Variants in EPHB2 observed in about 807,000 individuals in gnomAD.
EPHB2 encodes the protein EPH receptor B2, also known as ephrin type-B receptor 2.
EPHB2 carries 18 observed loss-of-function variants against 96.4 expected under a neutral mutation model. The observed-to-expected ratio is 0.19, with a 90% CI of 0.13 to 0.28. The LOEUF is 0.28. EPHB2 is among the 10% of genes least tolerant of loss of function. EPHB2 has a pLI of 1.00. For missense variants in EPHB2, 989 were observed against 1,355.4 expected (o/e 0.73, Z 4.25); for synonymous variants, 506 against 534.1 (o/e 0.95, Z 0.72).
chr1:22,761,622 A>C (rs1329232556), intron 1 of EPHB2, among the ~76,000 whole-genome samples: 1 of 152,136 alleles, frequency 6.6e-6, no homozygotes, highest in African/African-American at 2.4e-5. Context: ...TATAGCTGGG[A>C]GTGTTGAGTA....
At chr1:22,746,651 C>T (rs1384657983) in intron 1 of EPHB2, among the ~76,000 whole-genome samples, 1 of 152,240 alleles carries the variant, frequency 6.6e-6, no homozygotes, top group Non-Finnish European at 1.5e-5. Context: ...GACCGTGGAC[C>T]ATGGACCATG....
At chr1:22,872,248 A>G (rs1212625589) in intron 5 of EPHB2, among the ~76,000 whole-genome samples, 1 of 152,052 alleles carries the variant, frequency 6.6e-6, no homozygotes, top group Admixed American at 6.6e-5. Context: ...CAGAACCCTG[A>G]CATCTCAGAA....
intron 1 of EPHB2, among the ~76,000 whole-genome samples, chr1:22,729,119 G>C (rs1006864091): frequency 6.6e-6 from 1 of 152,204 alleles, no homozygotes; most frequent in African/African-American, 2.4e-5. Flanking sequence ...CAAGGTTCCT[G>C]AACTTCTGGG....
chr1:22,866,893 C>T (rs1315561624), intron 5 of EPHB2, among the ~76,000 whole-genome samples: 1 of 152,166 alleles, frequency 6.6e-6, no homozygotes, highest in African/African-American at 2.4e-5. Context: ...GAGATCATGC[C>T]ATTGCACTCC....
intron 3 of EPHB2, among the ~76,000 whole-genome samples, chr1:22,857,531 A>T (rs1395566045): frequency 6.6e-6 from 1 of 151,916 alleles, no homozygotes; most frequent in Admixed American, 6.6e-5. Flanking sequence ...TTACAGTAGG[A>T]TGGTCAATCC....
At chr1:22,751,426 C>T (rs528215408) in intron 1 of EPHB2, among the ~76,000 whole-genome samples, 6 of 152,312 alleles carry the variant, frequency 3.9e-5, no homozygotes, top group South Asian at 4.2e-4. Context: ...ATCTGAGCCC[C>T]AAGGCCCAAG....
At chr1:22,820,506 C>CA (rs1645138090) in intron 3 of EPHB2, among the ~76,000 whole-genome samples, 1 of 151,662 alleles carries the variant, frequency 6.6e-6, no homozygotes, top group Non-Finnish European at 1.5e-5. Context: ...ACACAAAATA[C>CA]AAAAAAATTA....
chr1:22,907,430 T>C (rs1314785002), intron 11 of EPHB2, among the ~76,000 whole-genome samples: 1 of 150,036 alleles, frequency 6.7e-6, no homozygotes, highest in African/African-American at 2.5e-5. Flanking sequence ...GTGGGAGGAG[T>C]TCAGAGCACA....
rs890458165 is a variant in EPHB2 at position 22,782,817 on chromosome 1, G to T, written c.126+1332G>T. On this transcript the variant is annotated intron_variant, in intron 2 of 15. Transcript: ENST00000374630. ...ATGCAATGTAGGGAGCTTCAGAGTC[G>T]CCATTGAAGAAGAGGCTGAGCCAGT... Among the ~76,000 whole-genome samples, 3 of 152,142 alleles carry T rather than the reference G, an allele frequency of 2.0e-5. 1 individual carries two copies. Among genetic ancestry groups the T allele is most frequent in the South Asian group, 4.2e-4 (2 of 4,804 alleles).
At chr1:22,884,890 G>A (rs965738510) in intron 6 of EPHB2, among the ~76,000 whole-genome samples, 8 of 152,138 alleles carry the variant, frequency 5.3e-5, no homozygotes, top group Non-Finnish European at 1.0e-4. Flanking sequence ...TTTTTTAAGT[G>A]TTATGGAGTA....
At chr1:22,752,010 C>T (rs530030337) in intron 1 of EPHB2, among the ~76,000 whole-genome samples, 35 of 152,336 alleles carry the variant, frequency 2.3e-4, no homozygotes, top group African/African-American at 6.5e-4. Context: ...TGGATTTGGG[C>T]GTTCACTAGT....
chr1:22,805,716 A>G (rs1557685275), intron 3 of EPHB2, among the ~76,000 whole-genome samples: 1 of 152,170 alleles, frequency 6.6e-6, no homozygotes, highest in Non-Finnish European at 1.5e-5. Flanking sequence ...AGGCAGGTGC[A>G]TGTACATGTG....
At chr1:22,845,512 G>C (rs572252048) in intron 3 of EPHB2, among the ~76,000 whole-genome samples, 1 of 152,050 alleles carries the variant, frequency 6.6e-6, no homozygotes, top group African/African-American at 2.4e-5. Context: ...GTTGCCTCCC[G>C]ACTCCTCATC....
chr1:22,819,206 T>A (rs1242340577), intron 3 of EPHB2, among the ~76,000 whole-genome samples: 2 of 5,340 alleles, frequency 3.7e-4, no homozygotes, highest in Non-Finnish European at 6.8e-4. Context: ...CCAGCAGATG[T>A]CTCTCTCTCT....
Position 22,906,095 on chromosome 1 carries a change from A to C in EPHB2, c.1874A>C (p.Gln625Pro). ...EIDISCVKIE[Q>P]VIGAGEFGEV... Reference sequence around the variant, plus strand: ...GACATCTCCTGTGTCAAAATTGAGCAGGTGATCGGAGCAGGTAGGTGGCTG... The same window carrying C: ...GACATCTCCTGTGTCAAAATTGAGCCGGTGATCGGAGCAGGTAGGTGGCTG... The change falls in exon 10 of 16, where the codon CAG (glutamine) becomes CCG (proline). Residue 625 changes from glutamine (Q) to proline (P), a missense_variant. By Grantham distance (76) the Gln-to-Pro change is moderately conservative. Transcript: ENST00000374630. The surrounding 1 kb of genome is among the most constrained non-coding windows in gnomAD (Gnocchi z 4.8). 2 of 1,614,230 alleles carry C rather than the reference A, an allele frequency of 1.2e-6. No homozygotes were observed. The highest frequency in any genetic ancestry group is 1.7e-6 in the Non-Finnish European group (2 of 1,180,044).
At chr1:22,785,979 AC>A (rs1644605362) in intron 3 of EPHB2, among the ~76,000 whole-genome samples, 1 of 152,236 alleles carries the variant, frequency 6.6e-6, no homozygotes, top group Non-Finnish European at 1.5e-5. Context: ...ACCATGCCAC[AC>A]TGTTAGCTTA....
At chr1:22,788,007 T>C (rs903966166) in intron 3 of EPHB2, among the ~76,000 whole-genome samples, 2 of 152,198 alleles carry the variant, frequency 1.3e-5, no homozygotes, top group Admixed American at 6.5e-5. Flanking sequence ...CAAGAGAGAA[T>C]ACCAGCAAAC....
intron 5 of EPHB2, among the ~76,000 whole-genome samples, chr1:22,877,215 C>A (rs1277218140): frequency 1.3e-5 from 2 of 152,238 alleles, no homozygotes; most frequent in African/African-American, 4.8e-5. Flanking sequence ...TGAATCCCAG[C>A]TCCACTGCTT....
intron 1 of EPHB2, among the ~76,000 whole-genome samples, chr1:22,759,348 C>A (rs1644202542): frequency 6.8e-6 from 1 of 146,972 alleles, no homozygotes; most frequent in Admixed American, 7.0e-5. Context: ...CTCAATTCTT[C>A]AGGTACTTCA....
Sources: allele counts gnomAD v4.1 joint callset (sites outside exome capture counted in the v4.1 genomes callset), GRCh38; gene constraint gnomAD v4.1.1; non-coding constraint Gnocchi (gnomAD v3.1); transcripts MANE v1.5; gene names NCBI Gene and HGNC (gene_info 2026-07-23, HGNC 2026-07-21).